The following AK8 variants were observed in gnomAD, a reference collection of about 807,000 sequenced individuals.
AK8 encodes adenylate kinase 8.
AK8 carries 44 observed loss-of-function variants against 54.6 expected under a neutral mutation model. That is an observed-to-expected ratio of 0.81 (90% confidence interval 0.63 to 1.04). The LOEUF is 1.04. AK8 is among the 50% of genes least tolerant of loss of function. The probability of loss-of-function intolerance (pLI) is 0.00; values close to 1 mark genes in which losing one functional copy is unlikely to be tolerated. For synonymous variants in AK8, 239 were observed against 245.6 expected (o/e 0.97, Z 0.25); for missense variants, 555 against 613.6 (o/e 0.90, Z 1.01).
chr9:132,733,637 T>C (rs1378594938), intron 11 of AK8, among the ~76,000 whole-genome samples: 2 of 152,248 alleles, frequency 1.3e-5, no homozygotes, highest in Non-Finnish European at 2.9e-5. Flanking sequence ...CTTCTGATTA[T>C]CCTGGCTCAT....
rs919876018 is a variant in AK8, at chr9:132,791,703, T to C, written c.1121+931A>G. ...TATATTGAGAGACTAAACACACAGT[T>C]TGATGATGGTCAGACCATATATAAA... On this transcript the variant is annotated intron_variant, in intron 11 of 12. Coordinates refer to ENST00000298545, the MANE Select transcript of AK8 (RefSeq NM_152572.3). The surrounding 1 kb of genome is among the most constrained non-coding windows in gnomAD (Gnocchi z 4.0). Among the ~76,000 whole-genome samples, 4 of 152,114 alleles carry C rather than the reference T, an allele frequency of 2.6e-5. No homozygotes were observed. The highest frequency in any genetic ancestry group is 5.9e-5 in the Non-Finnish European group (4 of 68,030).
chr9:132,792,535 A>T (rs1319707316), intron 11 of AK8, 99 bp downstream of exon 11: 4 of 1,424,272 alleles, frequency 2.8e-6, no homozygotes, highest in Admixed American at 2.5e-5. Flanking sequence ...CTTCAGGAAC[A>T]CGTGAAGGCT....
intron 9 of AK8, among the ~76,000 whole-genome samples, chr9:132,820,974 T>C (rs1841572012): frequency 6.6e-6 from 1 of 152,180 alleles, no homozygotes; most frequent in East Asian, 1.9e-4. Flanking sequence ...CTTTCTGAGA[T>C]AGTCTCCAAA....
At chr9:132,827,973 G>A in intron 7 of AK8, 40 bp downstream of exon 7, 1 of 1,541,996 alleles carries the variant, frequency 6.5e-7, no homozygotes, top group African/African-American at 1.4e-5. Context: ...CATGGACTCT[G>A]AAACCCCATG....
At chr9:132,835,507 G>C (rs1441905224) in intron 5 of AK8, among the ~76,000 whole-genome samples, 1 of 152,146 alleles carries the variant, frequency 6.6e-6, no homozygotes, top group Non-Finnish European at 1.5e-5. Flanking sequence ...CTAGAAACAA[G>C]ATTAGCCCTG....
intron 10 of AK8, among the ~76,000 whole-genome samples, chr9:132,800,919 CTTTT>C (rs34462868): frequency 1.6e-5 from 2 of 123,812 alleles, no homozygotes; most frequent in African/African-American, 3.0e-5. Context: ...TCAGTTTGTC[CTTTT>C]TTTTTTTTTT....
intron 2 of AK8, among the ~76,000 whole-genome samples, chr9:132,871,619 GGCCCCCAGCTAGAGAC>G (rs1459615322): frequency 1.3e-5 from 2 of 152,228 alleles, no homozygotes; most frequent in Non-Finnish European, 2.9e-5. Context: ...GCTGGAGGCT[GGCCCCCAGCTAGAGAC>G]GGCACGAGGC....
At chr9:132,835,586 A>G (rs1308004513) in intron 5 of AK8, among the ~76,000 whole-genome samples, 2 of 152,204 alleles carry the variant, frequency 1.3e-5, no homozygotes, top group African/African-American at 2.4e-5. Context: ...GCCACAGCCA[A>G]TGTGTGACTT....
upstream of AK8, chr9:132,878,318 T>C (rs900794760): frequency 4.6e-6 from 6 of 1,315,106 alleles, no homozygotes; most frequent in Non-Finnish European, 5.8e-6. The surrounding 1 kb of genome is among the most constrained non-coding windows in gnomAD (Gnocchi z 4.7). Context: ...GCCGACTGCG[T>C]CATCAGCACG....
At chr9:132,806,309 T>G (rs1840723912) in intron 10 of AK8, among the ~76,000 whole-genome samples, 1 of 152,060 alleles carries the variant, frequency 6.6e-6, no homozygotes, top group Admixed American at 6.5e-5. Context: ...CCTAGAAAGT[T>G]TCTTTAAAAA....
intron 11 of AK8, among the ~76,000 whole-genome samples, chr9:132,735,571 A>T (rs1015315029): frequency 1.3e-5 from 2 of 152,146 alleles, no homozygotes; most frequent in African/African-American, 4.8e-5. Context: ...AAAACCCATA[A>T]AGTAAGTGTT....
intron 11 of AK8, among the ~76,000 whole-genome samples, chr9:132,729,036 CCCCA>C (rs987153473): frequency 2.0e-5 from 3 of 152,112 alleles, no homozygotes; most frequent in African/African-American, 7.2e-5. Context: ...GTGTGCACCA[CCCCA>C]CCCAGATAAG....
chr9:132,734,097 G>A (rs990690882), intron 11 of AK8, among the ~76,000 whole-genome samples: 8 of 152,178 alleles, frequency 5.3e-5, no homozygotes, highest in African/African-American at 1.9e-4. Flanking sequence ...TGATTTGTAG[G>A]CACATTAAGG....
intron 9 of AK8, 144 bp downstream of exon 9, chr9:132,823,060 TG>T (rs1300579795): frequency 8.6e-7 from 1 of 1,158,658 alleles, no homozygotes; most frequent in Non-Finnish European, 1.1e-6. Flanking sequence ...TAACAGAAAA[TG>T]GTTAAGAACA....
intron 10 of AK8, among the ~76,000 whole-genome samples, chr9:132,796,094 C>G (rs1840158643): frequency 6.6e-6 from 1 of 152,136 alleles, no homozygotes; most frequent in South Asian, 2.1e-4. Context: ...AACTGAAGCC[C>G]AAAGAGGTTG....
chr9:132,872,311 G>A (rs867306696), intron 2 of AK8, among the ~76,000 whole-genome samples: 3 of 152,000 alleles, frequency 2.0e-5, no homozygotes, highest in African/African-American at 4.8e-5. Flanking sequence ...ACTCCAGCCT[G>A]AGCAACAGAG....
At chr9:132,841,643 G>A (rs1292726492) in intron 5 of AK8, among the ~76,000 whole-genome samples, 1 of 152,126 alleles carries the variant, frequency 6.6e-6, no homozygotes, top group Non-Finnish European at 1.5e-5. Flanking sequence ...CCTGGCCTGT[G>A]GGACGTCAAC....
intron 11 of AK8, among the ~76,000 whole-genome samples, chr9:132,730,980 T>G (rs1836818385): frequency 6.6e-6 from 1 of 152,202 alleles, no homozygotes; most frequent in Non-Finnish European, 1.5e-5. Context: ...CCTGATTCCC[T>G]CTGGGAGCCA....
At chr9:132,749,459 G>A (rs1837803275) in intron 11 of AK8, among the ~76,000 whole-genome samples, 1 of 151,916 alleles carries the variant, frequency 6.6e-6, no homozygotes. Flanking sequence ...GGTGCCCCGT[G>A]CCCGGCACTC....
Sources: gnomAD v4.1 joint callset for allele counts (sites outside exome capture counted in the v4.1 genomes callset) on GRCh38, gnomAD v4.1.1 for gene constraint, Gnocchi (gnomAD v3.1) non-coding constraint, MANE v1.5 for transcripts, NCBI Gene and HGNC (gene_info 2026-07-23, HGNC 2026-07-21) for gene names.